Variants in GPC5 observed in about 807,000 individuals in gnomAD.
GPC5 encodes glypican 5, also known as glypican-5.
Under a neutral mutation model 53.9 loss-of-function variants are expected in GPC5, and 47 were observed. The observed-to-expected ratio is 0.87, with a 90% CI of 0.69 to 1.11. The LOEUF (loss-of-function observed/expected upper bound fraction) is 1.11. Among genes scored for constraint, GPC5 ranks in the 50% most tolerant of loss-of-function variants. The pLI is 0.00. For synonymous variants in GPC5, 286 were observed against 263.3 expected (o/e 1.09, Z -0.84); for missense variants, 748 against 713.1 (o/e 1.05, Z -0.56).
intron 7 of GPC5, among the ~76,000 whole-genome samples, chr13:92,847,920 A>G (rs1878665623): frequency 6.6e-6 from 1 of 152,204 alleles, no homozygotes. Flanking sequence ...TTGATAATAG[A>G]GATGATTATT....
At chr13:91,642,049 G>A (rs2034443083) in intron 2 of GPC5, among the ~76,000 whole-genome samples, 1 of 152,152 alleles carries the variant, frequency 6.6e-6, no homozygotes, top group Non-Finnish European at 1.5e-5. Flanking sequence ...ACAAATGTAG[G>A]CAGTTTAACA....
chr13:92,155,692 G>T (rs757531451), intron 7 of GPC5, among the ~76,000 whole-genome samples: 55 of 152,032 alleles, frequency 3.6e-4, no homozygotes, highest in Non-Finnish European at 1.6e-4. Context: ...TATTATTAGT[G>T]GTGCTTTTTT....
At chr13:91,754,232 C>T (rs1566661804) in intron 4 of GPC5, among the ~76,000 whole-genome samples, 2 of 152,018 alleles carry the variant, frequency 1.3e-5, no homozygotes, top group Admixed American at 1.3e-4. Flanking sequence ...CTTTGAAGGA[C>T]TTTAAGTGAG....
intron 5 of GPC5, among the ~76,000 whole-genome samples, chr13:91,804,569 G>A (rs1241240189): frequency 6.6e-6 from 1 of 152,176 alleles, no homozygotes; most frequent in Non-Finnish European, 1.5e-5. Flanking sequence ...CCATCAAAAG[G>A]AGGCTTGGCA....
chr13:91,417,169 A>AG (rs1329238451), intron 1 of GPC5, among the ~76,000 whole-genome samples: 2 of 152,168 alleles, frequency 1.3e-5, no homozygotes, highest in African/African-American at 4.8e-5. Context: ...AGGGAATATA[A>AG]GGCACTCTGT....
In GPC5 at chr13:92,405,228, C is replaced by T. The variant is rs1453798987; in HGVS notation, c.1561+260239C>T. Among the ~76,000 whole-genome samples, 7 of 152,152 alleles carry T rather than the reference C, an allele frequency of 4.6e-5. No homozygotes were observed. The East Asian group carries it at 7.7e-4, about 17-fold the overall frequency. ...CAACCCCAGAGAGGATGCCATCCAT[C>T]GGAGGGCACAGTCACACACTCCGTG... is the stretch of plus-strand genomic sequence containing the variant. On this transcript the variant is annotated intron_variant, in intron 7 of 7. Coordinates refer to ENST00000377067, the MANE Select transcript of GPC5 (RefSeq NM_004466.6).
intron 7 of GPC5, among the ~76,000 whole-genome samples, chr13:92,364,635 CAGG>C (rs1336906630): frequency 2.0e-5 from 3 of 151,648 alleles, no homozygotes; most frequent in Admixed American, 6.6e-5. Context: ...GAGGCTGAGG[CAGG>C]AGAATGGCGT....
At chr13:92,544,268 C>T (rs890324156) in intron 7 of GPC5, among the ~76,000 whole-genome samples, 2 of 152,024 alleles carry the variant, frequency 1.3e-5, no homozygotes, top group South Asian at 4.1e-4. Context: ...AAGCCAGGAG[C>T]AAACTGTTTC....
At chr13:91,429,233 T>TA (rs1419931468) in intron 1 of GPC5, among the ~76,000 whole-genome samples, 4 of 152,198 alleles carry the variant, frequency 2.6e-5, no homozygotes, top group Non-Finnish European at 4.4e-5. Flanking sequence ...ACATCTGTTT[T>TA]AATAAAAAAA....
intron 7 of GPC5, among the ~76,000 whole-genome samples, chr13:92,458,491 G>A (rs1216864123): frequency 6.6e-6 from 1 of 152,050 alleles, no homozygotes. Flanking sequence ...TAGAGACGGG[G>A]TTTCACCATG....
chr13:92,431,488 A>G (rs1040803703), intron 7 of GPC5, among the ~76,000 whole-genome samples: 6 of 151,668 alleles, frequency 4.0e-5, no homozygotes, highest in African/African-American at 1.2e-4. Context: ...GTTCTATAGG[A>G]AAAGCACTTC....
At chr13:92,613,341 TTTATATATAA>T (rs1478490582) in intron 7 of GPC5, among the ~76,000 whole-genome samples, 1,070 of 104,466 alleles carry the variant, frequency 0.01, 22 homozygotes, top group South Asian at 0.051. Context: ...ATATAATATA[TTTATATATAA>T]ATATATAATA....
chr13:92,564,393 A>G (rs1202419577), intron 7 of GPC5, among the ~76,000 whole-genome samples: 1 of 152,094 alleles, frequency 6.6e-6, no homozygotes, highest in Non-Finnish European at 1.5e-5. Context: ...AGATTGAGGT[A>G]TTAAAGAGAG....
chr13:92,860,011 T>A (rs1266177669), intron 7 of GPC5, among the ~76,000 whole-genome samples: 1 of 152,168 alleles, frequency 6.6e-6, no homozygotes, highest in African/African-American at 2.4e-5. Flanking sequence ...GAGCCACTAA[T>A]AATTTATCTG....
intron 7 of GPC5, among the ~76,000 whole-genome samples, chr13:92,323,976 A>G (rs891006559): frequency 6.6e-6 from 1 of 151,958 alleles, no homozygotes; most frequent in African/African-American, 2.4e-5. Flanking sequence ...TGCCTGCTGT[A>G]TTGTGTGTTC....
At chr13:92,006,189 T>G (rs2040605323) in intron 6 of GPC5, among the ~76,000 whole-genome samples, 8 of 152,204 alleles carry the variant, frequency 5.3e-5, no homozygotes, top group Admixed American at 5.2e-4. Flanking sequence ...GTAAGTATTA[T>G]CTGTCTTTTC....
At chr13:92,366,329 C>T (rs1300087389) in intron 7 of GPC5, among the ~76,000 whole-genome samples, 2 of 151,746 alleles carry the variant, frequency 1.3e-5, no homozygotes, top group African/African-American at 4.9e-5. Flanking sequence ...TTGCCCGGTT[C>T]TCTCATTTAT....
chr13:91,499,624 T>C (rs1884505331), intron 2 of GPC5, among the ~76,000 whole-genome samples: 1 of 152,196 alleles, frequency 6.6e-6, no homozygotes, highest in South Asian at 2.1e-4. Flanking sequence ...GCCATGTAAA[T>C]CACGATGGCA....
chr13:92,058,873 C>A (rs1158087545), intron 6 of GPC5, among the ~76,000 whole-genome samples: 1 of 152,146 alleles, frequency 6.6e-6, no homozygotes, highest in Non-Finnish European at 1.5e-5. Flanking sequence ...TATTTCCTTA[C>A]ACAAAGATTG....
Sources: gnomAD v4.1 joint callset for allele counts (sites outside exome capture counted in the v4.1 genomes callset) on GRCh38, gnomAD v4.1.1 for gene constraint, MANE v1.5 for transcripts, NCBI Gene and HGNC (gene_info 2026-07-23, HGNC 2026-07-21) for gene names.